The following MTSS2 variants were observed in gnomAD, a reference collection of about 807,000 sequenced individuals.
The protein encoded by MTSS2 is MTSS I-BAR domain containing 2.
Under a neutral mutation model 67.1 loss-of-function variants are expected in MTSS2, and 27 were observed. The observed-to-expected ratio is 0.40, with a 90% CI of 0.30 to 0.55. MTSS2 has a LOEUF of 0.55. MTSS2 is among the 20% of genes least tolerant of loss of function. MTSS2 has a pLI of 0.43. For synonymous variants in MTSS2, 624 were observed against 468.6 expected (o/e 1.33, Z -4.28); for missense variants, 1,171 against 1,067.8 (o/e 1.10, Z -1.35).
At chr16:70,671,306 G>C (rs2142786154) in intron 11 of MTSS2, among the ~76,000 whole-genome samples, 1 of 151,996 alleles carries the variant, frequency 6.6e-6, no homozygotes, top group African/African-American at 2.4e-5. Context: ...AGGAGGCTGA[G>C]GCAGGGGAAT....
intron 11 of MTSS2, 137 bp from the exon 12 acceptor site, chr16:70,665,677 C>T (rs544334485): frequency 5.8e-6 from 4 of 685,312 alleles, no homozygotes; most frequent in South Asian, 3.8e-5. Flanking sequence ...AGCACCCACC[C>T]CCCCTACCCC....
Position 70,664,625 on chromosome 16 carries a change from AGGAGGGCGT to A in MTSS2, c.1435_1443del (p.Thr479_Ser481del). On this transcript the variant is annotated inframe_deletion, in exon 14 of 15. Transcript: ENST00000338779. ...TGGGAGGGGATGGTGTCCTCAGAGC[AGGAGGGCGT>A]GGTGGTCTGCGTGCTGTAGCCGCTG... 4.3e-6 allele frequency: 7 copies of A among 1,613,192 alleles called. No individual in the cohort carries two copies. Among genetic ancestry groups the A allele is most frequent in the Non-Finnish European group, 5.9e-6 (7 of 1,179,908 alleles).
At position 70,679,319 on chromosome 16, in the gene MTSS2, T is replaced by A. The variant is rs774678348; in HGVS notation, c.462A>T (p.Leu154=). 5 of 1,613,834 alleles carry A rather than the reference T, an allele frequency of 3.1e-6. No homozygotes were observed. Among genetic ancestry groups the A allele is most frequent in the Non-Finnish European group, 4.2e-6 (5 of 1,179,858 alleles). ...LKLQKKARKE[L]LGKGDLQPQL... ...AGGGACCGACATTTGACTTACCAAG[T>A]AGCTCTACAGGAAGGATGTGGGAGG... The change falls in exon 7 of 15, where the codon CTA becomes CTT. Residue 154 remains leucine (L), a synonymous_variant. Coordinates refer to ENST00000338779, the MANE Select transcript of MTSS2 (RefSeq NM_138383.3).
In MTSS2 at chr16:70,685,814, G is replaced by T; in HGVS notation, c.-23C>A. 7.8e-7 allele frequency: 1 copy of T among 1,276,886 alleles called. No individual in the cohort carries two copies. 79.1% of individuals were successfully genotyped at this position (1,276,886 alleles called of 1,614,324 possible). A position where few individuals can be genotyped will look rare whatever the true frequency, so the allele number is the denominator to read the frequency against. On this transcript the variant is annotated 5_prime_UTR_variant, in exon 1 of 15. Coordinates refer to ENST00000338779, the MANE Select transcript of MTSS2 (RefSeq NM_138383.3). ...CATGCTCTGGCTGGGCCGGGCCGCG[G>T]CGGCGGCTAGGCGCACGGAGCGCGG...
chr16:70,683,563 G>C (rs984138046), intron 1 of MTSS2, among the ~76,000 whole-genome samples: 3 of 152,318 alleles, frequency 2.0e-5, no homozygotes, highest in Non-Finnish European at 4.4e-5. Context: ...AAGGTGCCGT[G>C]CCCAGAACTA....
rs757830887 is a variant in MTSS2, at chr16:70,663,760, C to G, written c.2161G>C (p.Glu721Gln). Residue 721 changes from glutamate (E) to glutamine (Q), a missense_variant, in exon 15 of 15, where the codon GAA (glutamate) becomes CAA (glutamine). Glu to Gln is a conservative substitution (Grantham distance 29). Transcript: ENST00000338779. ...PPAATSDPPAEDMLVAIRRGV... is the reference protein window; with the variant it reads ...PPAATSDPPAQDMLVAIRRGV... ...CGCCGGATGGCCACCAGCATGTCTT[C>G]GGCCGGGGGGTCGCTGGTGGCGGCT... 5.8e-6 allele frequency: 9 copies of G among 1,549,150 alleles called. No homozygotes were observed. The East Asian group carries it at 7.2e-5, about 12-fold the overall frequency.
intron 10 of MTSS2, among the ~76,000 whole-genome samples, chr16:70,674,849 A>C (rs377369239): frequency 2.8e-3 from 429 of 152,306 alleles, no homozygotes; most frequent in Non-Finnish European, 3.7e-3. Context: ...ACAGTGGCTC[A>C]TGTCTGTAAT....
At chr16:70,665,126 A>C (rs779363590) in intron 12 of MTSS2, 30 bp from the exon 13 acceptor site, 4 of 1,568,074 alleles carry the variant, frequency 2.6e-6, no homozygotes, top group Admixed American at 1.8e-5. Flanking sequence ...GGTCAGGGGG[A>C]CCACTGGCCC....
intron 9 of MTSS2, 42 bp downstream of exon 9, chr16:70,677,750 C>T (rs769560310): frequency 1.3e-6 from 2 of 1,503,766 alleles, no homozygotes; most frequent in South Asian, 1.2e-5. Context: ...CCCATCTCCT[C>T]CCTGCCCCTG....
Position 70,677,839 on chromosome 16 carries a change from C to G in MTSS2, c.685G>C (p.Val229Leu). 1.2e-6 allele frequency: 2 copies of G among 1,612,544 alleles called. No individual in the cohort carries two copies. The highest frequency in any genetic ancestry group is 1.7e-6 in the Non-Finnish European group (2 of 1,179,662). ...THLQGIIDDL[V>L]VLTAEPHKLP... ...TTGTGGGGTTCTGCTGTCAGCACCACCAAGTCGTCGATGATGCCCTGCAGG... is the reference window on the plus strand; with the variant it reads ...TTGTGGGGTTCTGCTGTCAGCACCAGCAAGTCGTCGATGATGCCCTGCAGG... Residue 229 changes from valine to leucine, a missense_variant, in exon 9 of 15, where the codon GTG becomes CTG. Val to Leu is a conservative substitution (Grantham distance 32). Around this residue, in one of 2 missense-constraint regions of MTSS2, gnomAD observed 924 missense variants for 756.0 expected, o/e 1.22. Transcript: ENST00000338779.
At chr16:70,680,666 C>T in intron 3 of MTSS2, 128 bp downstream of exon 3, 1 of 808,002 alleles carries the variant, frequency 1.2e-6, no homozygotes, top group Non-Finnish European at 2.0e-6. Context: ...GCCCACTCCA[C>T]TAAGGAGCAG....
intron 11 of MTSS2, among the ~76,000 whole-genome samples, chr16:70,670,212 A>G (rs575388732): frequency 1.3e-5 from 2 of 152,170 alleles, no homozygotes; most frequent in South Asian, 4.2e-4. Context: ...TGGAGGTTGC[A>G]GTGAGCTGAA....
chr16:70,685,691 CCG>C lies in MTSS2; in HGVS notation c.69+30_69+31del, dbSNP rs779024328. 3.6e-5 allele frequency: 46 copies of C among 1,260,654 alleles called. No homozygotes were observed. The African/African-American group carries it at 5.6e-4, about 15-fold the overall frequency. 78.1% of individuals were successfully genotyped at this position (1,260,654 alleles called of 1,614,324 possible). ...TCCCCGGGGGGTCCCGCACCCGTCG[CCG>C]CGCGCCCGGCCCCGCCGCGCCCCGG... On this transcript the variant is annotated intron_variant, in intron 1 of 14. Transcript: ENST00000338779.
At chr16:70,676,478 C>T (rs577992044) in intron 10 of MTSS2, among the ~76,000 whole-genome samples, 7 of 152,348 alleles carry the variant, frequency 4.6e-5, no homozygotes, top group Admixed American at 3.3e-4. Context: ...TGACCCCACA[C>T]GGTGCTAGGC....
chr16:70,672,546 C>T (rs1411891674), intron 11 of MTSS2, among the ~76,000 whole-genome samples: 1 of 151,392 alleles, frequency 6.6e-6, no homozygotes, highest in Non-Finnish European at 1.5e-5. Context: ...AAGATGTCAA[C>T]ACTGGGGAGA....
Position 70,664,335 on chromosome 16 carries a change from C to T in MTSS2, c.1586G>A (p.Arg529His), listed in dbSNP as rs754744869. ...GGCTGGGCGCTTGGTCTGGATCAGG[C>T]GGCGGTAGTTCTGGGCGATGTTGCT... ...RNSNIAQNYRRLIQTKRPAST... is the reference protein window; with the variant it reads ...RNSNIAQNYRHLIQTKRPAST... Residue 529 changes from arginine to histidine, a missense_variant, in exon 15 of 15, where the codon CGC (arginine) becomes CAC (histidine). Arg to His is a conservative substitution (Grantham distance 29, BLOSUM62 0). Coordinates refer to ENST00000338779, the MANE Select transcript of MTSS2 (RefSeq NM_138383.3). The T allele has an allele frequency of 1.1e-5, 18 of 1,597,834 alleles. No individual in the cohort carries two copies. Among genetic ancestry groups the T allele is most frequent in the African/African-American group, 2.7e-5 (2 of 74,302 alleles).
Position 70,664,450 on chromosome 16 carries a change from C to T in MTSS2, c.1472-1G>A. The T allele has an allele frequency of 6.5e-7, 1 of 1,536,420 alleles. No individual in the cohort carries two copies. The highest frequency in any genetic ancestry group is 8.8e-7 in the Non-Finnish European group (1 of 1,142,450). On this transcript the variant is annotated splice_acceptor_variant, in intron 14 of 14. Transcript: ENST00000338779. LOFTEE classifies it high-confidence loss of function. ...ACGGAGTAGCAGTCGTAGTCGGAGCCTGGGGGCACGGGACACAGTGAGGCC... is the reference window on the plus strand; with the variant it reads ...ACGGAGTAGCAGTCGTAGTCGGAGCTTGGGGGCACGGGACACAGTGAGGCC...
intron 11 of MTSS2, 92 bp downstream of exon 11, chr16:70,674,214 C>T (rs2053034230): frequency 1.7e-6 from 2 of 1,166,778 alleles, no homozygotes; most frequent in South Asian, 1.5e-5. Flanking sequence ...ATAGTAGTCT[C>T]AACAGCTATA....
chr16:70,677,269 AGTTT>A (rs1165843039), intron 9 of MTSS2, among the ~76,000 whole-genome samples: 1 of 152,098 alleles, frequency 6.6e-6, no homozygotes, highest in African/African-American at 2.4e-5. Context: ...CGCCTCCCTG[AGTTT>A]GTTTACTCCT....
Sources: allele counts gnomAD v4.1 joint callset (sites outside exome capture counted in the v4.1 genomes callset), GRCh38; gene constraint gnomAD v4.1.1; regional missense constraint gnomAD v4.1.1; transcripts MANE v1.5; gene names NCBI Gene and HGNC (gene_info 2026-07-23, HGNC 2026-07-21).